PCDH9: variants seen among roughly 807,000 people sequenced by gnomAD.
PCDH9 encodes the protein protocadherin-9.
A neutral mutation model predicts 70.6 loss-of-function variants in PCDH9; 24 were observed. The ratio of observed to expected loss-of-function variants is 0.34; its 90% CI spans 0.25 to 0.48. The LOEUF is 0.48. Among genes scored for constraint, PCDH9 ranks in the 20% least tolerant of loss-of-function variants. The probability of loss-of-function intolerance (pLI) is 0.99; values close to 1 mark genes in which losing one functional copy is unlikely to be tolerated. For synonymous variants in PCDH9, 562 were observed against 558.5 expected (o/e 1.01, Z -0.09); for missense variants, 1,281 against 1,503.6 (o/e 0.85, Z 2.45).
At chr13:66,342,407 A>G (rs1226636483) in intron 4 of PCDH9, among the ~76,000 whole-genome samples, 1 of 152,216 alleles carries the variant, frequency 6.6e-6, no homozygotes, top group East Asian at 1.9e-4. Flanking sequence ...CATCAAAATA[A>G]TTTATGGTTA....
At chr13:67,066,046 C>T (rs182601569) in intron 2 of PCDH9, among the ~76,000 whole-genome samples, 6 of 152,206 alleles carry the variant, frequency 3.9e-5, no homozygotes, top group Non-Finnish European at 7.4e-5. Flanking sequence ...TATGTGTTTC[C>T]TTCACTAAAC....
At chr13:66,991,026 T>C (rs1324014976) in intron 2 of PCDH9, 1 of 151,980 alleles carries the variant, frequency 6.6e-6, no homozygotes, top group Non-Finnish European at 1.5e-5. Context: ...ATTTTTAATA[T>C]TAGCGGGTTT....
intron 4 of PCDH9, among the ~76,000 whole-genome samples, chr13:66,318,312 A>G (rs1955691116): frequency 6.6e-6 from 1 of 152,108 alleles, no homozygotes; most frequent in Non-Finnish European, 1.5e-5. Flanking sequence ...ATCAACTGCT[A>G]TTTTTTGACA....
chr13:66,739,466 G>C (rs1340959311), intron 3 of PCDH9, among the ~76,000 whole-genome samples: 5 of 149,962 alleles, frequency 3.3e-5, no homozygotes, highest in African/African-American at 4.9e-5. Context: ...ACATCATAAT[G>C]ACAGGATCAA....
rs750540017 is a variant in PCDH9, at chr13:66,693,784, A to G, written c.3139-62373T>C. 4.6e-4 allele frequency among the ~76,000 whole-genome samples: 70 copies of G among 152,346 alleles called. 1 individual carries two copies. Among genetic ancestry groups the G allele is most frequent in the Admixed American group, 2.8e-3 (43 of 15,310 alleles). On this transcript the variant is annotated intron_variant, in intron 3 of 4. Transcript: ENST00000377865. The stretch of plus-strand genomic sequence containing the variant: ...AGGTGGGTCCAGTTAATTAGTCTTA[A>G]TATCAGTAACACAAAGTGGAAGTGG...
rs141379003 is a variant in PCDH9 at position 66,620,235 on chromosome 13, T to G, written c.3340+10975A>C. On this transcript the variant is annotated intron_variant, in intron 4 of 4. Coordinates refer to ENST00000377865, the MANE Select transcript of PCDH9 (RefSeq NM_203487.3). ...CTGTTCAAGTAAGTGACAATTCATTTACCGTCACTTACTTGAACAGTTTAT... is the reference window on the plus strand; with the variant it reads ...CTGTTCAAGTAAGTGACAATTCATTGACCGTCACTTACTTGAACAGTTTAT... Among the ~76,000 whole-genome samples, 26 of 152,314 alleles carry G rather than the reference T, an allele frequency of 1.7e-4. No homozygotes were observed. The East Asian group carries it at 4.6e-3, about 27-fold the overall frequency.
At chr13:66,941,947 A>T (rs2083013001) in intron 2 of PCDH9, among the ~76,000 whole-genome samples, 1 of 151,972 alleles carries the variant, frequency 6.6e-6, no homozygotes, top group South Asian at 2.1e-4. Flanking sequence ...TAAATTAAAA[A>T]AGTAACTCAC....
intron 4 of PCDH9, among the ~76,000 whole-genome samples, chr13:66,596,347 T>C (rs530917763): frequency 6.6e-5 from 10 of 151,826 alleles, no homozygotes; most frequent in African/African-American, 1.9e-4. Context: ...AGTGTCCATT[T>C]GTTTTAGAAG....
chr13:67,031,043 C>T (rs2084895529), intron 2 of PCDH9, among the ~76,000 whole-genome samples: 2 of 152,160 alleles, frequency 1.3e-5, no homozygotes, highest in African/African-American at 4.8e-5. Context: ...CTGCTTCCTA[C>T]TAACTTTGTA....
chr13:67,223,929 C>T (rs2089789078), intron 2 of PCDH9: 1 of 152,090 alleles, frequency 6.6e-6, no homozygotes, highest in Non-Finnish European at 1.5e-5. Context: ...CTGTATGACT[C>T]ATTGTCAAAA....
At chr13:67,055,822 C>T (rs1405486754) in intron 2 of PCDH9, among the ~76,000 whole-genome samples, 2 of 151,906 alleles carry the variant, frequency 1.3e-5, no homozygotes, top group East Asian at 3.9e-4. Flanking sequence ...AAAACACTAA[C>T]AAAAATATTG....
chr13:67,098,414 T>TA (rs1419208318), intron 2 of PCDH9, among the ~76,000 whole-genome samples: 3 of 152,102 alleles, frequency 2.0e-5, no homozygotes, highest in South Asian at 2.1e-4. Flanking sequence ...TTAAGCGTAA[T>TA]AAAAAATCAA....
chr13:67,035,117 G>A (rs911260610), intron 2 of PCDH9, among the ~76,000 whole-genome samples: 1 of 152,060 alleles, frequency 6.6e-6, no homozygotes, highest in Non-Finnish European at 1.5e-5. Flanking sequence ...TGTATATGAA[G>A]TTCCAAGCTG....
intron 4 of PCDH9, among the ~76,000 whole-genome samples, chr13:66,610,949 A>G (rs1698925605): frequency 6.6e-6 from 1 of 152,144 alleles, no homozygotes. Flanking sequence ...TATAAAACAT[A>G]AAAGATAATG....
At chr13:66,900,213 C>A (rs1594229827) in intron 3 of PCDH9, among the ~76,000 whole-genome samples, 1 of 151,832 alleles carries the variant, frequency 6.6e-6, no homozygotes, top group African/African-American at 2.4e-5. Context: ...TCTTCCAGCC[C>A]ACTCATTCCT....
At chr13:66,782,295 A>G (rs2080011063) in intron 3 of PCDH9, among the ~76,000 whole-genome samples, 1 of 152,202 alleles carries the variant, frequency 6.6e-6, no homozygotes, top group Non-Finnish European at 1.5e-5. Flanking sequence ...ATAGTTTATT[A>G]ACCATAATTT....
chr13:66,766,945 G>A (rs921951033), intron 3 of PCDH9, among the ~76,000 whole-genome samples: 1 of 152,032 alleles, frequency 6.6e-6, no homozygotes, highest in Non-Finnish European at 1.5e-5. Flanking sequence ...GTTGTCACTT[G>A]AAGGTATAGT....
At chr13:66,618,562 T>C (rs2077386696) in intron 4 of PCDH9, among the ~76,000 whole-genome samples, 1 of 152,158 alleles carries the variant, frequency 6.6e-6, no homozygotes, top group African/African-American at 2.4e-5. Flanking sequence ...GAGAATATAT[T>C]CTTTATAATT....
At chr13:67,026,421 A>G (rs2084782236) in intron 2 of PCDH9, among the ~76,000 whole-genome samples, 1 of 152,158 alleles carries the variant, frequency 6.6e-6, no homozygotes, top group Admixed American at 6.6e-5. Context: ...TCTCAAAATA[A>G]TAAGAGCTAT....
Sources: gnomAD v4.1 joint callset for allele counts (sites outside exome capture counted in the v4.1 genomes callset) on GRCh38, gnomAD v4.1.1 for gene constraint, MANE v1.5 for transcripts, NCBI Gene and HGNC (gene_info 2026-07-23, HGNC 2026-07-21) for gene names.